The following ATF7IP variants were observed in gnomAD, a reference collection of about 807,000 sequenced individuals.
ATF7IP encodes activating transcription factor 7 interacting protein, also known as activating transcription factor 7-interacting protein 1.
ATF7IP carries 23 observed loss-of-function variants against 106.4 expected under a neutral mutation model. The ratio of observed to expected loss-of-function variants is 0.22; its 90% CI spans 0.16 to 0.31. ATF7IP has a LOEUF of 0.31. Among genes scored for constraint, ATF7IP ranks in the 10% least tolerant of loss-of-function variants. ATF7IP has a pLI of 1.00. For missense variants in ATF7IP, 1,334 were observed against 1,524.3 expected, an observed-to-expected ratio of 0.88 and a Z score of 2.08; for synonymous variants, 542 against 539.0, an observed-to-expected ratio of 1.01 and a Z score of -0.08.
intron 1 of ATF7IP, among the ~76,000 whole-genome samples, chr12:14,382,466 C>T (rs1054726048): frequency 1.2e-4 from 18 of 152,120 alleles, no homozygotes; most frequent in Non-Finnish European, 2.1e-4. Context: ...TTCTCAGAGT[C>T]ATCTATCATA....
At chr12:14,442,406 A>G (rs4564388) in intron 5 of ATF7IP, among the ~76,000 whole-genome samples, 15,712 of 152,208 alleles carry the variant, frequency 0.1, 1,003 homozygotes, top group African/African-American at 0.18. Flanking sequence ...CAATGTGTAC[A>G]TAGTTCAGCC....
In ATF7IP at chr12:14,423,948, C is replaced by G; in HGVS notation, c.33C>G (p.Val11=). The part of the protein sequence containing the change: MDSLEEPQKK[V]FKARKTMRVS... The stretch of plus-strand genomic sequence containing the variant: ...GTTTAGAAGAACCTCAGAAAAAAGT[C>G]TTTAAGGCTCGAAAAACGATGAGAG... Residue 11 remains valine (V), a synonymous_variant, in exon 2 of 15, where the codon GTC becomes GTG. Transcript: ENST00000261168. The G allele has an allele frequency of 2.5e-6, 4 of 1,610,792 alleles. No individual in the cohort carries two copies. The highest frequency in any genetic ancestry group is 2.5e-6 in the Non-Finnish European group (3 of 1,178,854).
chr12:14,374,927 A>T (rs1426775232), intron 1 of ATF7IP, among the ~76,000 whole-genome samples: 2 of 152,044 alleles, frequency 1.3e-5, no homozygotes, highest in East Asian at 3.9e-4. Context: ...TTTTTTGTGT[A>T]GTACTTTATA....
At chr12:14,386,428 G>C (rs1282534383) in intron 1 of ATF7IP, among the ~76,000 whole-genome samples, 1 of 152,028 alleles carries the variant, frequency 6.6e-6, no homozygotes, top group African/African-American at 2.4e-5. Flanking sequence ...ATATACTCCT[G>C]GTTTTGTCCG....
At chr12:14,496,065 C>A (rs193066564) in intron 13 of ATF7IP, among the ~76,000 whole-genome samples, 166 bp from the exon 14 acceptor site, 1 of 152,226 alleles carries the variant, frequency 6.6e-6, no homozygotes, top group South Asian at 2.1e-4. Context: ...TATCCACAGG[C>A]TGATTGATAG....
At chr12:14,414,621 C>T (rs1200749218) in intron 1 of ATF7IP, among the ~76,000 whole-genome samples, 2 of 152,154 alleles carry the variant, frequency 1.3e-5, no homozygotes, top group Non-Finnish European at 2.9e-5. Context: ...TTTACCTCTG[C>T]CACAAGGCCT....
rs1945185784 is a variant in ATF7IP at position 14,502,499 on chromosome 12, C to T, written c.*4426C>T. 6.6e-6 allele frequency: 1 copy of T among 152,012 alleles called. No individual in the cohort carries two copies. Among genetic ancestry groups the T allele is most frequent in the Non-Finnish European group, 1.5e-5 (1 of 67,976 alleles). 9.4% of individuals were successfully genotyped at this position (152,012 alleles called of 1,614,324 possible). A position where few individuals can be genotyped will look rare whatever the true frequency, so the allele number is the denominator to read the frequency against. ...TCAGCTAAGTACCCATATTTAAATGCCGTCTTTATTATTTTTTTGAGGTCT... is the reference window on the plus strand; with the variant it reads ...TCAGCTAAGTACCCATATTTAAATGTCGTCTTTATTATTTTTTTGAGGTCT... On this transcript the variant is annotated 3_prime_UTR_variant, in exon 15 of 15. Coordinates refer to ENST00000261168, the MANE Select transcript of ATF7IP (RefSeq NM_018179.5).
At chr12:14,443,240 A>G (rs1337225087) in intron 5 of ATF7IP, among the ~76,000 whole-genome samples, 1 of 152,228 alleles carries the variant, frequency 6.6e-6, no homozygotes, top group Non-Finnish European at 1.5e-5. Context: ...CATGGAACCC[A>G]GAAAGCTTTG....
intron 2 of ATF7IP, among the ~76,000 whole-genome samples, 156 bp downstream of exon 2, chr12:14,425,629 A>G (rs888897846): frequency 1.3e-5 from 2 of 152,196 alleles, no homozygotes; most frequent in Non-Finnish European, 2.9e-5. Context: ...TAGAATTCAG[A>G]ATTAGTGTGT....
chr12:14,372,962 C>G (rs1011296304), intron 1 of ATF7IP, among the ~76,000 whole-genome samples: 1 of 152,082 alleles, frequency 6.6e-6, no homozygotes, highest in Non-Finnish European at 1.5e-5. Context: ...TTCAGTAATT[C>G]TCAGTGATAA....
At position 14,388,419 on chromosome 12, in the gene ATF7IP, T is replaced by C. The variant is rs879917468; in HGVS notation, c.-8+22592T>C. ...TGGAGTGTAGTGGTGAAATCTCAGC[T>C]CACTGCAACCTCCGCCTCCCAGGTT... On this transcript the variant is annotated intron_variant, in intron 1 of 14. Transcript: ENST00000261168. Among the ~76,000 whole-genome samples, 38 of 151,344 alleles carry C rather than the reference T, an allele frequency of 2.5e-4. 1 individual carries two copies. The highest frequency in any genetic ancestry group is 3.8e-4 in the Non-Finnish European group (26 of 67,860).
intron 6 of ATF7IP, among the ~76,000 whole-genome samples, chr12:14,447,735 T>A (rs1943039346): frequency 6.6e-6 from 1 of 152,210 alleles, no homozygotes; most frequent in Admixed American, 6.5e-5. Context: ...AGTATTCTAC[T>A]GCCTGTAGTA....
chr12:14,392,598 C>T (rs747756851), intron 1 of ATF7IP, among the ~76,000 whole-genome samples: 1 of 152,164 alleles, frequency 6.6e-6, no homozygotes, highest in Non-Finnish European at 1.5e-5. Flanking sequence ...AGGGAGTTTA[C>T]ACTTGTGGAG....
rs117144282 is a variant in ATF7IP, at chr12:14,375,855, C to T, written c.-8+10028C>T. On this transcript the variant is annotated intron_variant, in intron 1 of 14. Transcript: ENST00000261168. ...AAGAAGCAACTATGTGCAGGGAGCC[C>T]TGCAGTACAGGGAGATTTATGAAAA... Among the ~76,000 whole-genome samples the T allele has an allele frequency of 4.7e-3, 713 of 152,252 alleles. 4 individuals are homozygous for T. Among genetic ancestry groups the T allele is most frequent in the Non-Finnish European group, 8.1e-3 (552 of 68,010 alleles).
At chr12:14,404,226 CA>C (rs1443722354) in intron 1 of ATF7IP, among the ~76,000 whole-genome samples, 1 of 151,254 alleles carries the variant, frequency 6.6e-6, no homozygotes, top group Non-Finnish European at 1.5e-5. Flanking sequence ...CATGGTCATA[CA>C]TGTAGAAAAA....
At chr12:14,386,797 G>A (rs74067875) in intron 1 of ATF7IP, among the ~76,000 whole-genome samples, 2,961 of 152,090 alleles carry the variant, frequency 0.019, 100 homozygotes, top group African/African-American at 0.068. Flanking sequence ...CTTATTTGTA[G>A]AACCTTGGCC....
intron 13 of ATF7IP, among the ~76,000 whole-genome samples, chr12:14,491,721 AAAAAGGATTTGTCAAG>A (rs1944832296): frequency 6.6e-6 from 1 of 152,162 alleles, no homozygotes; most frequent in Non-Finnish European, 1.5e-5. Context: ...AGAAATGGAG[AAAAAGGATTTGTCAAG>A]TCAATGGCTG....
chr12:14,449,815 C>G (rs1176314183), intron 6 of ATF7IP, among the ~76,000 whole-genome samples: 1 of 151,648 alleles, frequency 6.6e-6, no homozygotes, highest in Admixed American at 6.6e-5. Flanking sequence ...AATAAGACTT[C>G]CCAATCCATA....
intron 13 of ATF7IP, among the ~76,000 whole-genome samples, chr12:14,483,414 C>T (rs573020826): frequency 1.3e-4 from 20 of 152,262 alleles, no homozygotes; most frequent in African/African-American, 4.3e-4. Flanking sequence ...ACACTAACTC[C>T]TTCGCTAGCC....
Sources: gnomAD v4.1 joint callset for allele counts (sites outside exome capture counted in the v4.1 genomes callset) on GRCh38, gnomAD v4.1.1 for gene constraint, MANE v1.5 for transcripts, NCBI Gene and HGNC (gene_info 2026-07-23, HGNC 2026-07-21) for gene names.